ZNF710: variants seen among roughly 807,000 people sequenced by gnomAD.
The protein encoded by ZNF710 is zinc finger protein 710.
ZNF710 carries 13 observed loss-of-function variants against 50.6 expected under a neutral mutation model. The observed-to-expected ratio is 0.26, with a 90% CI of 0.17 to 0.41. The LOEUF is 0.41. ZNF710 is among the 10% of genes least tolerant of loss of function. The pLI is 1.00. For missense variants in ZNF710, 721 were observed against 936.6 expected (o/e 0.77, Z 3.01); for synonymous variants, 383 against 397.0 (o/e 0.96, Z 0.42).
At chr15:90,001,966 T>TGA (rs745830369) in intron 1 of ZNF710, among the ~76,000 whole-genome samples, 7,332 of 96,668 alleles carry the variant, frequency 0.076, 292 homozygotes, top group African/African-American at 0.093. Flanking sequence ...AGCGCGCGAA[T>TGA]GAGAGAGAGA....
chr15:90,029,483 T>C (rs1898869825), intron 1 of ZNF710, among the ~76,000 whole-genome samples: 1 of 152,130 alleles, frequency 6.6e-6, no homozygotes. Flanking sequence ...AACTTGATAA[T>C]AGACCAAGCA....
intron 1 of ZNF710, among the ~76,000 whole-genome samples, chr15:90,051,071 T>C (rs1899628320): frequency 6.6e-6 from 1 of 150,566 alleles, no homozygotes; most frequent in Non-Finnish European, 1.5e-5. Context: ...AAACCCCATC[T>C]CTACTAAAAA....
chr15:90,000,608 G>C (rs1160520454), upstream of ZNF710, among the ~76,000 whole-genome samples: 1 of 152,226 alleles, frequency 6.6e-6, no homozygotes, highest in Non-Finnish European at 1.5e-5. Context: ...AGGCCGTCCA[G>C]GGCTCTGCTA....
At chr15:90,012,762 T>G (rs193015938) in intron 1 of ZNF710, among the ~76,000 whole-genome samples, 42 of 152,202 alleles carry the variant, frequency 2.8e-4, no homozygotes, top group African/African-American at 9.2e-4. Context: ...TTAATATATC[T>G]AATGTGTTTT....
chr15:90,068,695 C>G lies in ZNF710; in HGVS notation c.1458+100C>G, dbSNP rs1189613248. The G allele has an allele frequency of 4.6e-6, 6 of 1,303,024 alleles. No individual in the cohort carries two copies. The highest frequency in any genetic ancestry group is 6.3e-6 in the Non-Finnish European group (6 of 955,372). The allele number at this position is 1,303,024 out of a possible 1,614,324, so 80.7% of individuals were successfully genotyped here. ...CAGATGGGACCATTTAGGTGGTCTC[C>G]TAGTTTTATCGTTACGTACTTATTT... On this transcript the variant is annotated intron_variant, in intron 2 of 4. Transcript: ENST00000268154. The surrounding 1 kb of genome is among the most constrained non-coding windows in gnomAD (Gnocchi z 5.0).
intron 1 of ZNF710, among the ~76,000 whole-genome samples, chr15:90,052,890 G>A (rs998272253): frequency 7.9e-5 from 12 of 152,136 alleles, no homozygotes; most frequent in African/African-American, 2.7e-4. Flanking sequence ...CTGAGATGGC[G>A]CCACTGCACC....
intron 1 of ZNF710, among the ~76,000 whole-genome samples, chr15:90,058,008 C>T (rs572266020): frequency 6.6e-6 from 1 of 152,282 alleles, no homozygotes; most frequent in South Asian, 2.1e-4. Context: ...GATCCTCACA[C>T]AGGGGCCACC....
In ZNF710 at chr15:90,012,314, T is replaced by TTTC. The variant is rs1185837606; in HGVS notation, c.-29+10701_-29+10702insTCT. ...CATTTTTTTTTTTTTTTTTTTTTTT[T>TTTC]TGTAGTCTTGCTCTGTCTCCCAGGC... On this transcript the variant is annotated intron_variant, in intron 1 of 4. Transcript: ENST00000268154. Among the ~76,000 whole-genome samples the TTTC allele has an allele frequency of 7.5e-5, 11 of 146,844 alleles. 1 individual carries two copies. In the East Asian group the frequency reaches 1.8e-3, roughly 24 times the overall value.
Position 90,079,850 on chromosome 15 carries a change from ACGGGGGCCGGGG to A in ZNF710, c.*22_*33del. 6.4e-7 allele frequency: 1 copy of A among 1,568,594 alleles called. No individual in the cohort carries two copies. On this transcript the variant is annotated 3_prime_UTR_variant, in exon 5 of 5. Transcript: ENST00000268154. ...TATAGCGCAAGCTGGGCCACCCCTA[ACGGGGGCCGGGG>A]GCGAGGGCATGGGGGTGAGACCCAT...
intron 1 of ZNF710, among the ~76,000 whole-genome samples, chr15:90,008,373 ATATATATGTATATGTG>A (rs1405231837): frequency 6.9e-6 from 1 of 144,490 alleles, no homozygotes; most frequent in African/African-American, 2.6e-5. Context: ...ACATATGTGT[ATATATATGTATATGTG>A]TATATATGTA....
chr15:90,024,212 C>A lies in ZNF710; in HGVS notation c.-29+22598C>A, dbSNP rs576271482. Among the ~76,000 whole-genome samples, 11 of 152,362 alleles carry A rather than the reference C, an allele frequency of 7.2e-5. 1 individual carries two copies. Among genetic ancestry groups the A allele is most frequent in the Middle Eastern group, 6.8e-3 (2 of 294 alleles). On this transcript the variant is annotated intron_variant, in intron 1 of 4. Transcript: ENST00000268154. ...ACTGGGGCACTGGGCACCCCAGTAT[C>A]TCTGCCCATCACTGCAGTTCTTTTG...
intron 1 of ZNF710, among the ~76,000 whole-genome samples, chr15:90,038,504 C>G (rs1452540479): frequency 1.3e-5 from 2 of 152,134 alleles, no homozygotes; most frequent in East Asian, 3.8e-4. Context: ...TGTGGACTTC[C>G]CCATTTGCAA....
At chr15:90,042,768 G>A (rs1169549877) in intron 1 of ZNF710, among the ~76,000 whole-genome samples, 1 of 152,218 alleles carries the variant, frequency 6.6e-6, no homozygotes, top group Middle Eastern at 3.2e-3. Flanking sequence ...GTGGGCATTT[G>A]CCGGCACGAT....
At position 90,080,351 on chromosome 15, in the gene ZNF710, T is replaced by C. The variant is rs2084269965; in HGVS notation, c.*522T>C. 6.5e-6 allele frequency: 1 copy of C among 153,446 alleles called. No individual in the cohort carries two copies. The highest frequency in any genetic ancestry group is 2.4e-5 in the African/African-American group (1 of 41,460). 9.5% of individuals were successfully genotyped at this position (153,446 alleles called of 1,614,324 possible). On this transcript the variant is annotated 3_prime_UTR_variant, in exon 5 of 5. Transcript: ENST00000268154. ...CGACGGACCGCCAGGCAGGGCACTCTGCCTTCTACCTCCCGGGGTCTCCCA... is the reference window on the plus strand; with the variant it reads ...CGACGGACCGCCAGGCAGGGCACTCCGCCTTCTACCTCCCGGGGTCTCCCA...
At chr15:90,053,021 T>C (rs1899694814) in intron 1 of ZNF710, among the ~76,000 whole-genome samples, 1 of 152,230 alleles carries the variant, frequency 6.6e-6, no homozygotes, top group South Asian at 2.1e-4. Flanking sequence ...TAATATGAGC[T>C]CAGTAAATGA....
At chr15:90,063,464 G>A (rs927560494) in intron 1 of ZNF710, among the ~76,000 whole-genome samples, 1 of 152,042 alleles carries the variant, frequency 6.6e-6, no homozygotes. Context: ...GGTGTTTGTC[G>A]TCAGTTGTTG....
At chr15:90,027,516 T>C (rs901176389) in intron 1 of ZNF710, among the ~76,000 whole-genome samples, 2 of 152,164 alleles carry the variant, frequency 1.3e-5, no homozygotes, top group African/African-American at 4.8e-5. Context: ...GCCATTGATA[T>C]TTTAATTCTA....
intron 1 of ZNF710, among the ~76,000 whole-genome samples, chr15:90,030,329 C>CA (rs10685083): frequency 0.046 from 2,309 of 50,258 alleles, 177 homozygotes; most frequent in Middle Eastern, 0.1. Context: ...AACTCCATCT[C>CA]AAAAAAAAAA....
intron 1 of ZNF710, among the ~76,000 whole-genome samples, chr15:90,051,131 T>C (rs1475677670): frequency 2.6e-5 from 4 of 151,050 alleles, no homozygotes; most frequent in Admixed American, 1.3e-4. Flanking sequence ...CCCAGCTACT[T>C]GGGAGGCTGA....
Sources: allele counts gnomAD v4.1 joint callset (sites outside exome capture counted in the v4.1 genomes callset), GRCh38; gene constraint gnomAD v4.1.1; non-coding constraint Gnocchi (gnomAD v3.1); transcripts MANE v1.5; gene names NCBI Gene and HGNC (gene_info 2026-07-23, HGNC 2026-07-21).